Variants in LIMD1 observed in about 807,000 individuals in gnomAD.
LIMD1 encodes the protein LIM domain-containing protein 1.
A neutral mutation model predicts 58.4 loss-of-function variants in LIMD1; 23 were observed. The ratio of observed to expected loss-of-function variants is 0.39; its 90% CI spans 0.28 to 0.56. The LOEUF is 0.56. Ranked by LOEUF, LIMD1 falls within the 20% of genes least tolerant of loss-of-function variation. The pLI, the probability that LIMD1 is intolerant of heterozygous loss-of-function variation, is 0.57. For missense variants in LIMD1, 838 were observed against 855.5 expected (o/e 0.98, Z 0.25); for synonymous variants, 334 against 345.5 (o/e 0.97, Z 0.37).
intron 1 of LIMD1, among the ~76,000 whole-genome samples, chr3:45,619,663 G>A (rs1701611793): frequency 6.6e-6 from 1 of 152,044 alleles, no homozygotes; most frequent in Non-Finnish European, 1.5e-5. Context: ...GCCGGGTGTG[G>A]TGATGGGCAC....
intron 1 of LIMD1, among the ~76,000 whole-genome samples, chr3:45,623,793 G>A (rs1026153210): frequency 8.5e-5 from 13 of 152,114 alleles, no homozygotes; most frequent in East Asian, 1.9e-4. Context: ...TGTGGTTCTC[G>A]TCCCTGGCTG....
In LIMD1 at chr3:45,682,490, G is replaced by A. The variant is rs1697757487; in HGVS notation, c.*5431G>A. On this transcript the variant is annotated 3_prime_UTR_variant, in exon 8 of 8. Coordinates refer to ENST00000273317, the MANE Select transcript of LIMD1 (RefSeq NM_014240.3). Reference sequence around the variant, plus strand: ...TTGGGCATTGGGCCATGTGGGACTGGGCAGTGGGGTATCTGGTCTGGTTCT... The same window carrying A: ...TTGGGCATTGGGCCATGTGGGACTGAGCAGTGGGGTATCTGGTCTGGTTCT... The A allele has an allele frequency of 6.6e-6, 1 of 152,458 alleles. No individual in the cohort carries two copies. Among genetic ancestry groups the A allele is most frequent in the Non-Finnish European group, 1.5e-5 (1 of 68,102 alleles). The allele number at this position is 152,458 out of a possible 1,614,324, so 9.4% of individuals were successfully genotyped here.
chr3:45,657,718 C>T (rs1644372063), intron 2 of LIMD1, among the ~76,000 whole-genome samples: 1 of 152,100 alleles, frequency 6.6e-6, no homozygotes, highest in South Asian at 2.1e-4. Flanking sequence ...CCACTTACTA[C>T]CTGGGTAAGC....
chr3:45,670,411 G>C (rs773196043), intron 4 of LIMD1, among the ~76,000 whole-genome samples: 9 of 152,144 alleles, frequency 5.9e-5, no homozygotes, highest in Non-Finnish European at 1.3e-4. Context: ...TCATGCTGTG[G>C]GTCAGGATTT....
chr3:45,676,399 G>A (rs1697673216), intron 7 of LIMD1, among the ~76,000 whole-genome samples: 1 of 150,082 alleles, frequency 6.7e-6, no homozygotes, highest in African/African-American at 2.5e-5. Context: ...TATGTTGTAC[G>A]TGTGCCAGGG....
chr3:45,594,807 A>ACACAC lies in LIMD1; in HGVS notation c.-72_-68dup. 1.6e-6 allele frequency: 1 copy of ACACAC among 623,140 alleles called. No individual in the cohort carries two copies. The highest frequency in any genetic ancestry group is 2.1e-5 in the South Asian group (1 of 47,246). The allele number at this position is 623,140 out of a possible 1,614,324, so 38.6% of individuals were successfully genotyped here. On this transcript the variant is annotated 5_prime_UTR_variant, in exon 1 of 8. Coordinates refer to ENST00000273317, the MANE Select transcript of LIMD1 (RefSeq NM_014240.3). ...CACACACACACACACACACACACAC[A>ACACAC]CACACACACACACACACACACACAC...
chr3:45,602,279 G>A (rs1363229618), intron 1 of LIMD1, among the ~76,000 whole-genome samples: 2 of 152,116 alleles, frequency 1.3e-5, no homozygotes, highest in African/African-American at 4.8e-5. Context: ...CCCTGGACCT[G>A]AAGCCCCTGT....
intron 2 of LIMD1, among the ~76,000 whole-genome samples, chr3:45,663,053 G>C (rs1008884721): frequency 6.6e-6 from 1 of 151,686 alleles, no homozygotes; most frequent in Non-Finnish European, 1.5e-5. Context: ...ACACATATAC[G>C]ATCATTGGTA....
intron 1 of LIMD1, among the ~76,000 whole-genome samples, chr3:45,617,767 C>T (rs1027328049): frequency 6.6e-6 from 1 of 152,146 alleles, no homozygotes; most frequent in Non-Finnish European, 1.5e-5. Context: ...CTGGCAGCAA[C>T]CAAGCCTTCT....
chr3:45,618,543 G>A (rs941531126), intron 1 of LIMD1, among the ~76,000 whole-genome samples: 1 of 152,110 alleles, frequency 6.6e-6, no homozygotes, highest in Non-Finnish European at 1.5e-5. Context: ...GAGGAGAGTG[G>A]TTTTATCTTT....
At chr3:45,635,758 AAAG>A (rs1701780358) in intron 1 of LIMD1, 7 of 273,218 alleles carry the variant, frequency 2.6e-5, no homozygotes, top group African/African-American at 4.7e-5. Flanking sequence ...AAAAAAAAAA[AAAG>A]GGAGGAAAAA....
At chr3:45,639,643 C>G (rs1701822794) in intron 2 of LIMD1, among the ~76,000 whole-genome samples, 1 of 152,038 alleles carries the variant, frequency 6.6e-6, no homozygotes, top group Admixed American at 6.5e-5. Flanking sequence ...CCCCCTAATC[C>G]CGTCACCTTG....
chr3:45,616,848 G>A (rs1034606220), intron 1 of LIMD1, among the ~76,000 whole-genome samples: 4 of 146,290 alleles, frequency 2.7e-5, no homozygotes, highest in African/African-American at 1.0e-4. Context: ...TCTGTCTCCC[G>A]GGCTCAAGTG....
chr3:45,649,707 T>TACAC (rs1559522195), intron 2 of LIMD1, among the ~76,000 whole-genome samples: 5 of 91,480 alleles, frequency 5.5e-5, no homozygotes, highest in East Asian at 3.3e-4. Context: ...TATATATGTA[T>TACAC]ACATATATAT....
intron 2 of LIMD1, among the ~76,000 whole-genome samples, chr3:45,640,018 G>T (rs535589878): frequency 6.6e-6 from 1 of 152,360 alleles, no homozygotes; most frequent in Non-Finnish European, 1.5e-5. Flanking sequence ...TCAGCCCATT[G>T]CAGATGAGTC....
chr3:45,671,712 T>C (rs1405341233), intron 4 of LIMD1, among the ~76,000 whole-genome samples: 2 of 152,202 alleles, frequency 1.3e-5, no homozygotes, highest in East Asian at 1.9e-4. Flanking sequence ...CCCCAGAGTT[T>C]CTGATTCAAG....
chr3:45,665,365 C>G (rs1379128386), intron 2 of LIMD1, among the ~76,000 whole-genome samples: 2 of 151,876 alleles, frequency 1.3e-5, no homozygotes, highest in Non-Finnish European at 2.9e-5. Context: ...GGCATCTTTC[C>G]AAGCAGATAG....
At chr3:45,608,117 G>C (rs1701486171) in intron 1 of LIMD1, among the ~76,000 whole-genome samples, 1 of 152,264 alleles carries the variant, frequency 6.6e-6, no homozygotes, top group Admixed American at 6.5e-5. Flanking sequence ...TACATTAAAT[G>C]TGGGCAGCAA....
At chr3:45,628,133 CGAGA>C (rs1308424568) in intron 1 of LIMD1, among the ~76,000 whole-genome samples, 1 of 152,054 alleles carries the variant, frequency 6.6e-6, no homozygotes, top group Non-Finnish European at 1.5e-5. Context: ...CTAATTGCCT[CGAGA>C]GAATTTCCAG....
Sources: allele counts gnomAD v4.1 joint callset (sites outside exome capture counted in the v4.1 genomes callset), GRCh38; gene constraint gnomAD v4.1.1; transcripts MANE v1.5; gene names NCBI Gene and HGNC (gene_info 2026-07-23, HGNC 2026-07-21).